ATRNL1: variants seen among roughly 807,000 people sequenced by gnomAD.
ATRNL1 encodes attractin-like protein 1.
ATRNL1 carries 95 observed loss-of-function variants against 182.7 expected under a neutral mutation model. The observed-to-expected ratio is 0.52, with a 90% CI of 0.44 to 0.62. The LOEUF (loss-of-function observed/expected upper bound fraction) is 0.62. Ranked by LOEUF, ATRNL1 falls within the 20% of genes least tolerant of loss-of-function variation. The pLI, the probability that ATRNL1 is intolerant of heterozygous loss-of-function variation, is 0.00. For synonymous variants in ATRNL1, 576 were observed against 568.3 expected (o/e 1.01, Z -0.19); for missense variants, 1,471 against 1,679.5 (o/e 0.88, Z 2.17).
chr10:115,945,254 T>C lies in ATRNL1; in HGVS notation c.*475T>C, dbSNP rs2134634985. 1 of 152,368 alleles carries C rather than the reference T, an allele frequency of 6.6e-6. No individual in the cohort carries two copies. Among genetic ancestry groups the C allele is most frequent in the Non-Finnish European group, 1.5e-5 (1 of 68,088 alleles). 9.4% of individuals were successfully genotyped at this position (152,368 alleles called of 1,614,324 possible). On this transcript the variant is annotated 3_prime_UTR_variant, in exon 29 of 29. Transcript: ENST00000355044. ...ATGCTCTTTTATCTCGTTGTAAAGG[T>C]AAGGCAAGATTTTGATGTAGTAGGA...
chr10:115,822,384 G>A (rs1339822229), intron 27 of ATRNL1, among the ~76,000 whole-genome samples: 2 of 152,062 alleles, frequency 1.3e-5, no homozygotes, highest in African/African-American at 4.8e-5. Flanking sequence ...AGAAGCAAGA[G>A]CAAACAAATT....
chr10:115,394,439 G>T (rs1334731687), intron 19 of ATRNL1, among the ~76,000 whole-genome samples: 1 of 151,896 alleles, frequency 6.6e-6, no homozygotes, highest in African/African-American at 2.4e-5. Flanking sequence ...GTAGACTTCA[G>T]GATATCCCCC....
intron 1 of ATRNL1, among the ~76,000 whole-genome samples, chr10:115,116,787 T>C (rs1183615954): frequency 6.6e-6 from 1 of 152,050 alleles, no homozygotes; most frequent in Non-Finnish European, 1.5e-5. Flanking sequence ...AGGAAACCTT[T>C]TTGTAGTAAG....
rs953792561 is a variant in ATRNL1, at chr10:115,690,945, T to A, written c.3796-36303T>A. Reference sequence around the variant, plus strand: ...GTGGACTGCTGAATTACGCTTTACCTACAATACCAAGCCCCTTGGGGCTCC... The same window carrying A: ...GTGGACTGCTGAATTACGCTTTACCAACAATACCAAGCCCCTTGGGGCTCC... On this transcript the variant is annotated intron_variant, in intron 26 of 28. Coordinates refer to ENST00000355044, the MANE Select transcript of ATRNL1 (RefSeq NM_207303.4). Among the ~76,000 whole-genome samples, 45 of 152,130 alleles carry A rather than the reference T, an allele frequency of 3.0e-4. 1 individual carries two copies. Among genetic ancestry groups the A allele is most frequent in the African/African-American group, 1.1e-3 (45 of 41,458 alleles).
intron 19 of ATRNL1, among the ~76,000 whole-genome samples, chr10:115,360,383 C>T (rs1486087383): frequency 2.0e-5 from 3 of 151,452 alleles, no homozygotes; most frequent in Non-Finnish European, 4.4e-5. Flanking sequence ...CAAACAGTTC[C>T]CCCAAATTGC....
intron 28 of ATRNL1, among the ~76,000 whole-genome samples, chr10:115,922,449 G>A (rs1953094395): frequency 6.6e-6 from 1 of 151,984 alleles, no homozygotes; most frequent in Admixed American, 6.6e-5. Flanking sequence ...TATCTAGCTA[G>A]CTATTTATTT....
chr10:115,195,829 T>A (rs1289968811), intron 8 of ATRNL1, among the ~76,000 whole-genome samples: 1 of 152,078 alleles, frequency 6.6e-6, no homozygotes, highest in Non-Finnish European at 1.5e-5. Context: ...ATTATTATTT[T>A]AAAAAATGTC....
At chr10:115,814,459 C>G in intron 27 of ATRNL1, among the ~76,000 whole-genome samples, 1 of 151,988 alleles carries the variant, frequency 6.6e-6, no homozygotes, top group East Asian at 1.9e-4. Flanking sequence ...TAGAGTTCAA[C>G]TTTTGAAAGC....
At chr10:115,815,752 G>A (rs1428396583) in intron 27 of ATRNL1, among the ~76,000 whole-genome samples, 1 of 152,040 alleles carries the variant, frequency 6.6e-6, no homozygotes, top group Non-Finnish European at 1.5e-5. Flanking sequence ...TGGCAGTAGT[G>A]GGAGAAGCCT....
At chr10:115,649,986 A>C (rs982426505) in intron 26 of ATRNL1, among the ~76,000 whole-genome samples, 2 of 152,274 alleles carry the variant, frequency 1.3e-5, no homozygotes, top group Middle Eastern at 3.4e-3. Context: ...ATTGTTATGA[A>C]GAACAACAAT....
intron 27 of ATRNL1, among the ~76,000 whole-genome samples, chr10:115,802,133 T>G (rs1555084514): frequency 6.6e-6 from 1 of 151,610 alleles, no homozygotes; most frequent in African/African-American, 2.4e-5. Context: ...GACTTTGCCT[T>G]CCTCCTCCCA....
At chr10:115,732,183 G>A (rs1479313296) in intron 27 of ATRNL1, among the ~76,000 whole-genome samples, 6 of 152,108 alleles carry the variant, frequency 3.9e-5, no homozygotes, top group Non-Finnish European at 8.8e-5. Context: ...TATGCCTAAG[G>A]GTGGAATTGC....
chr10:115,374,947 G>C (rs1857591812), intron 19 of ATRNL1, among the ~76,000 whole-genome samples: 1 of 151,434 alleles, frequency 6.6e-6, no homozygotes, highest in African/African-American at 2.4e-5. Flanking sequence ...GTATGCTGTT[G>C]TTGTTGAATG....
At position 115,189,051 on chromosome 10, in the gene ATRNL1, A is replaced by G. The variant is rs112730589; in HGVS notation, c.1348+17759A>G. Among the ~76,000 whole-genome samples the G allele has an allele frequency of 8.1e-3, 1,239 of 152,276 alleles. 7 individuals carry two copies. Among genetic ancestry groups the G allele is most frequent in the Non-Finnish European group, 0.015 (988 of 68,020 alleles). On this transcript the variant is annotated intron_variant, in intron 8 of 28. Coordinates refer to ENST00000355044, the MANE Select transcript of ATRNL1 (RefSeq NM_207303.4). ...CAGTTATGCCATGCACAATATTTCA[A>G]TTAATCACAGACTGAATATATGATG...
chr10:115,532,467 A>T (rs1291080528), intron 25 of ATRNL1, among the ~76,000 whole-genome samples: 23 of 152,132 alleles, frequency 1.5e-4, no homozygotes, highest in African/African-American at 5.6e-4. Context: ...ATTTTTGTAC[A>T]TTGATTTTGT....
rs983955245 is a variant in ATRNL1, at chr10:115,803,652, G to A, written c.3904-44225G>A. On this transcript the variant is annotated intron_variant, in intron 27 of 28. Coordinates refer to ENST00000355044, the MANE Select transcript of ATRNL1 (RefSeq NM_207303.4). ...GGCTTTTTATATATCTTTTTGATTC[G>A]GTACATTCCTTACTACAGAATGAAT... Among the ~76,000 whole-genome samples, 9 of 150,374 alleles carry A rather than the reference G, an allele frequency of 6.0e-5. No individual in the cohort carries two copies. The East Asian group carries it at 1.8e-3, about 29-fold the overall frequency.
At chr10:115,918,894 G>A (rs144379874) in intron 28 of ATRNL1, among the ~76,000 whole-genome samples, 132 of 152,184 alleles carry the variant, frequency 8.7e-4, no homozygotes, top group South Asian at 6.0e-3. Context: ...ATCTGCAGTG[G>A]GAATCTGCAA....
At chr10:115,219,337 G>A (rs1449560441) in intron 9 of ATRNL1, among the ~76,000 whole-genome samples, 3 of 152,072 alleles carry the variant, frequency 2.0e-5, no homozygotes, top group Non-Finnish European at 4.4e-5. Context: ...CTTTAATGTG[G>A]TTGATAATTT....
intron 28 of ATRNL1, among the ~76,000 whole-genome samples, chr10:115,868,004 T>C (rs905885634): frequency 7.2e-5 from 11 of 152,174 alleles, no homozygotes; most frequent in African/African-American, 2.4e-4. Flanking sequence ...CCTCAAGCTA[T>C]CCATCTGCCT....
Sources: allele counts gnomAD v4.1 joint callset (sites outside exome capture counted in the v4.1 genomes callset), GRCh38; gene constraint gnomAD v4.1.1; transcripts MANE v1.5; gene names NCBI Gene and HGNC (gene_info 2026-07-23, HGNC 2026-07-21).